The following GJA9 variants were observed in gnomAD, a reference collection of about 807,000 sequenced individuals.
The protein encoded by GJA9 is gap junction alpha-9 protein.
In GJA9, 1 loss-of-function variant was observed where a neutral mutation model predicts 0.4. The observed-to-expected ratio is 2.50, with a 90% CI of 0.89 to 11.88. GJA9 has a LOEUF of 11.88. Among genes scored for constraint, GJA9 ranks in the 30% most tolerant of loss-of-function variants. The probability of loss-of-function intolerance (pLI) is 0.12; values close to 1 mark genes in which losing one functional copy is unlikely to be tolerated. For missense variants in GJA9, 550 were observed against 602.8 expected, an observed-to-expected ratio of 0.91 and a Z score of 0.92; for synonymous variants, 190 against 219.1, an observed-to-expected ratio of 0.87 and a Z score of 1.17.
chr1:38,879,376 T>C (rs1235985268), intron 1 of GJA9, among the ~76,000 whole-genome samples: 2 of 152,160 alleles, frequency 1.3e-5, no homozygotes, highest in Non-Finnish European at 2.9e-5. Context: ...ACTACTAAGA[T>C]ACAAGATGTG....
intron 1 of GJA9, among the ~76,000 whole-genome samples, chr1:38,876,611 A>G (rs1642591384): frequency 1.3e-5 from 2 of 152,102 alleles, no homozygotes; most frequent in Non-Finnish European, 2.9e-5. Context: ...ATATACTTAA[A>G]TGTCAGGAAT....
At position 38,874,849 on chromosome 1, in the gene GJA9, C is replaced by T. The variant is rs1642551923; in HGVS notation, c.1250G>A (p.Trp417Ter). 6.2e-7 allele frequency: 1 copy of T among 1,614,062 alleles called. No individual in the cohort carries two copies. The highest frequency in any genetic ancestry group is 8.5e-7 in the Non-Finnish European group (1 of 1,180,050). Residue 417 changes from tryptophan to a stop codon, truncating the protein, a stop_gained, in exon 2 of 2, where the codon TGG becomes TAG. Coordinates refer to ENST00000357771, the MANE Select transcript of GJA9 (RefSeq NM_030772.5). LOFTEE classifies it low-confidence loss of function (END_TRUNC). ...TGTAGCTCTAAGCCACCGCGGTTTC[C>T]AATCGCAGTTAGCTGGCAAGGAGAA... ...TVFSLPANCD[W>*]KPRWLRATWG... is the part of the protein sequence containing the mutation.
At position 38,876,123 on chromosome 1, in the gene GJA9, T is replaced by A; in HGVS notation, c.-25A>T. 6.4e-7 allele frequency: 1 copy of A among 1,561,750 alleles called. No individual in the cohort carries two copies. Among genetic ancestry groups the A allele is most frequent in the Non-Finnish European group, 8.8e-7 (1 of 1,138,782 alleles). Reference sequence around the variant, plus strand: ...TGTTTATTTAGTCAGCCATCTTAGCTCTGATCCACATCAAATAAGAGGCAG... The same window carrying A: ...TGTTTATTTAGTCAGCCATCTTAGCACTGATCCACATCAAATAAGAGGCAG... On this transcript the variant is annotated 5_prime_UTR_variant, in exon 2 of 2. Coordinates refer to ENST00000357771, the MANE Select transcript of GJA9 (RefSeq NM_030772.5).
At chr1:38,877,079 G>C (rs1642600857) in intron 1 of GJA9, among the ~76,000 whole-genome samples, 1 of 140,886 alleles carries the variant, frequency 7.1e-6, no homozygotes. Context: ...TCACTCTGTA[G>C]CCCAGGCTGG....
chr1:38,876,249 C>T, intron 1 of GJA9, 56 bp from the exon 2 acceptor site: 1 of 661,784 alleles, frequency 1.5e-6, no homozygotes, highest in Non-Finnish European at 2.6e-6. Context: ...TTTACTTTTT[C>T]CCTAGATAGC....
In GJA9 at chr1:38,878,668, A is replaced by C. The variant is rs372100702; in HGVS notation, c.-95-2475T>G. ...CTCCAGCCTTGGCGACAAGAGCAGA[A>C]ACTCTGTCTCAGAAAACAAAAAGAA... On this transcript the variant is annotated intron_variant, in intron 1 of 1. Coordinates refer to ENST00000357771, the MANE Select transcript of GJA9 (RefSeq NM_030772.5). Among the ~76,000 whole-genome samples the C allele has an allele frequency of 9.3e-5, 14 of 151,144 alleles. 1 individual carries two copies. The highest frequency in any genetic ancestry group is 2.6e-4 in the Admixed American group (4 of 15,186).
Position 38,874,393 on chromosome 1 carries a change from T to C in GJA9, c.*158A>G, listed in dbSNP as rs1642538630. 1.8e-6 allele frequency: 1 copy of C among 571,076 alleles called. No individual in the cohort carries two copies. The highest frequency in any genetic ancestry group is 1.9e-5 in the African/African-American group (1 of 53,316). 35.4% of individuals were successfully genotyped at this position (571,076 alleles called of 1,614,324 possible). On this transcript the variant is annotated 3_prime_UTR_variant, in exon 2 of 2. Coordinates refer to ENST00000357771, the MANE Select transcript of GJA9 (RefSeq NM_030772.5). ...TGAATTTAGAAGTGTTGCTTCACAA[T>C]CTCGAATTAGAGCTGTTTTTCTCTT...
At chr1:38,881,341 A>G in intron 1 of GJA9, 91 bp downstream of exon 1, 4 of 670,450 alleles carry the variant, frequency 6.0e-6, no homozygotes, top group South Asian at 3.2e-5. Context: ...TGGTATACAT[A>G]TATACAGTAC....
In GJA9 at chr1:38,875,662, T is replaced by C; in HGVS notation, c.437A>G (p.Lys146Arg). ...LCQLEKRKLN[K>R]APLRGTLLCT... Reference sequence around the variant, plus strand: ...AAGCAAGGTTCCTCTGAGTGGAGCTTTATTTAGTTTCCTTTTCTCCAGCTG... The same window carrying C: ...AAGCAAGGTTCCTCTGAGTGGAGCTCTATTTAGTTTCCTTTTCTCCAGCTG... The change falls in exon 2 of 2, where the codon AAA becomes AGA. Residue 146 changes from lysine to arginine, a missense_variant. Physicochemically the swap from Lys to Arg is conservative, Grantham distance 26. Transcript: ENST00000357771. 6.2e-7 allele frequency: 1 copy of C among 1,614,112 alleles called. No individual in the cohort carries two copies. The highest frequency in any genetic ancestry group is 8.5e-7 in the Non-Finnish European group (1 of 1,180,010).
chr1:38,879,997 G>C (rs1034406169), intron 1 of GJA9, among the ~76,000 whole-genome samples: 2 of 151,982 alleles, frequency 1.3e-5, no homozygotes, highest in African/African-American at 4.8e-5. Flanking sequence ...GATTACAAGC[G>C]TGAGCCACCG....
At chr1:38,878,447 G>A (rs1173544725) in intron 1 of GJA9, among the ~76,000 whole-genome samples, 3 of 150,880 alleles carry the variant, frequency 2.0e-5, no homozygotes, top group Non-Finnish European at 3.0e-5. Context: ...TTGGGAGGCC[G>A]ATGCGGATCA....
chr1:38,876,064 T>A lies in GJA9; in HGVS notation c.35A>T (p.Glu12Val). The change falls in exon 2 of 2, where the codon GAG (glutamate) becomes GTG (valine). Residue 12 changes from glutamate to valine, a missense_variant. Glu to Val is a moderately radical substitution (Grantham distance 121, BLOSUM62 -2). Coordinates refer to ENST00000357771, the MANE Select transcript of GJA9 (RefSeq NM_030772.5). ...CATGGTGGAGTGGATGTGAACTTCC[T>A]CCAGAGTATCTCCAAGGAGATTCCA... ...GDWNLLGDTL[E>V]EVHIHSTMIG... 1 of 1,614,114 alleles carries A rather than the reference T, an allele frequency of 6.2e-7. No individual in the cohort carries two copies. Among genetic ancestry groups the A allele is most frequent in the South Asian group, 1.1e-5 (1 of 91,086 alleles).
In GJA9 at chr1:38,877,236, T is replaced by A. The variant is rs188312878; in HGVS notation, c.-95-1043A>T. ...GTATTTTTAGTAGAGATGATGTTTC[T>A]CCATGTTGGCCAGGCTGGTCTCGAA... On this transcript the variant is annotated intron_variant, in intron 1 of 1. Coordinates refer to ENST00000357771, the MANE Select transcript of GJA9 (RefSeq NM_030772.5). 2.7e-3 allele frequency among the ~76,000 whole-genome samples: 398 copies of A among 147,318 alleles called. 1 individual carries two copies. The highest frequency in any genetic ancestry group is 4.7e-3 in the Non-Finnish European group (317 of 67,024).
Position 38,874,500 on chromosome 1 carries a change from A to C in GJA9, c.*51T>G. 1.4e-6 allele frequency: 2 copies of C among 1,427,800 alleles called. No homozygotes were observed. The highest frequency in any genetic ancestry group is 1.9e-6 in the Non-Finnish European group (2 of 1,030,868). 88.4% of individuals were successfully genotyped at this position (1,427,800 alleles called of 1,614,324 possible). On this transcript the variant is annotated 3_prime_UTR_variant, in exon 2 of 2. Transcript: ENST00000357771. ...TCTATTTTTTCTGTGCCCCACGACC[A>C]CTAGGCTACTTCTCTGATAATATAT...
intron 1 of GJA9, 69 bp from the exon 2 acceptor site, chr1:38,876,262 T>G (rs1013205335): frequency 1.6e-6 from 1 of 641,124 alleles, no homozygotes; most frequent in African/African-American, 1.8e-5. Flanking sequence ...TAGATAGCTG[T>G]GGGGTTTTTT....
At chr1:38,879,036 T>C (rs1371393875) in intron 1 of GJA9, among the ~76,000 whole-genome samples, 3 of 152,132 alleles carry the variant, frequency 2.0e-5, no homozygotes, top group African/African-American at 7.2e-5. Context: ...CCCGGCCTTA[T>C]GGTACCAGAA....
chr1:38,875,059 C>T lies in GJA9; in HGVS notation c.1040G>A (p.Ser347Asn). 1 of 1,614,062 alleles carries T rather than the reference C, an allele frequency of 6.2e-7. No homozygotes were observed. The highest frequency in any genetic ancestry group is 8.5e-7 in the Non-Finnish European group (1 of 1,180,008). Residue 347 changes from serine to asparagine, a missense_variant, in exon 2 of 2, where the codon AGT (serine) becomes AAT (asparagine). Transcript: ENST00000357771. ...ATGAGTGTCTTTGTTATTGTTTGAA[C>T]TGATGTGTTGAAAATGACTACAACT... ...STSCSHFQHI[S>N]SNNNKDTHKI... is the part of the protein sequence containing the mutation.
rs1263040838 is a variant in GJA9 at position 38,876,394 on chromosome 1, G to A, written c.-95-201C>T. The A allele has an allele frequency of 1.7e-5, 6 of 361,494 alleles. No homozygotes were observed. The East Asian group carries it at 3.4e-4, about 21-fold the overall frequency. The allele number at this position is 361,494 out of a possible 1,614,324, so 22.4% of individuals were successfully genotyped here. On this transcript the variant is annotated intron_variant, in intron 1 of 1. Coordinates refer to ENST00000357771, the MANE Select transcript of GJA9 (RefSeq NM_030772.5). ...ACTCAAGCGATCATCTCCCCTCTCAGCCTCCTGAGTAGCTGGGACTGCAGG... is the reference window on the plus strand; with the variant it reads ...ACTCAAGCGATCATCTCCCCTCTCAACCTCCTGAGTAGCTGGGACTGCAGG...
chr1:38,880,852 A>G (rs1001570331), intron 1 of GJA9, among the ~76,000 whole-genome samples: 4 of 152,220 alleles, frequency 2.6e-5, no homozygotes, highest in African/African-American at 9.6e-5. Context: ...GTAAGCAAAG[A>G]TGTAATTCAT....
Sources: gnomAD v4.1 joint callset for allele counts (sites outside exome capture counted in the v4.1 genomes callset) on GRCh38, gnomAD v4.1.1 for gene constraint, MANE v1.5 for transcripts, NCBI Gene and HGNC (gene_info 2026-07-23, HGNC 2026-07-21) for gene names.